The following SUCLA2 variants were observed in gnomAD, a reference collection of about 807,000 sequenced individuals.
SUCLA2 encodes the protein succinate--CoA ligase [ADP-forming] subunit beta, mitochondrial.
A neutral mutation model predicts 54.8 loss-of-function variants in SUCLA2; 30 were observed. The ratio of observed to expected loss-of-function variants is 0.55; its 90% CI spans 0.41 to 0.74. SUCLA2 has a LOEUF of 0.74. Among genes scored for constraint, SUCLA2 ranks in the 30% least tolerant of loss-of-function variants. The pLI, the probability that SUCLA2 is intolerant of heterozygous loss-of-function variation, is 0.00. For missense variants in SUCLA2, 476 were observed against 562.9 expected, an observed-to-expected ratio of 0.85 and a Z score of 1.56; for synonymous variants, 172 against 188.9, an observed-to-expected ratio of 0.91 and a Z score of 0.74.
intron 10 of SUCLA2, among the ~76,000 whole-genome samples, chr13:47,944,876 A>G (rs1247715111): frequency 6.6e-6 from 1 of 152,074 alleles, no homozygotes; most frequent in Non-Finnish European, 1.5e-5. Flanking sequence ...TAATCCCAGC[A>G]CTTTGGAAGG....
At chr13:47,971,731 T>C (rs1476715321) in intron 5 of SUCLA2, 3 of 393,720 alleles carry the variant, frequency 7.6e-6, no homozygotes, top group Admixed American at 4.4e-5. Flanking sequence ...TGGAGATATA[T>C]AAGACAGTGT....
Position 47,954,288 on chromosome 13 carries a change from T to A in SUCLA2, c.965-6A>T, listed in dbSNP as rs759994740. 6.2e-7 allele frequency: 1 copy of A among 1,613,718 alleles called. No homozygotes were observed. On this transcript the variant is annotated splice_region_variant and splice_polypyrimidine_tract_variant and intron_variant, in intron 7 of 10. Transcript: ENST00000646932. ...AGCCAAACCAGCACCATTTACTATA[T>A]AGGGGAAAATGATTTGTATAAGCAA...
At chr13:47,999,020 A>C (rs1386111568) in intron 1 of SUCLA2, among the ~76,000 whole-genome samples, 1 of 152,216 alleles carries the variant, frequency 6.6e-6, no homozygotes, top group Admixed American at 6.5e-5. Flanking sequence ...GACACTAAAA[A>C]AATAAAGACA....
chr13:47,960,715 A>AG (rs1339070697), intron 6 of SUCLA2, among the ~76,000 whole-genome samples: 42 of 152,260 alleles, frequency 2.8e-4, no homozygotes, highest in African/African-American at 1.0e-3. Context: ...AAAAAAAAAA[A>AG]AGAGAGACTT....
intron 4 of SUCLA2, among the ~76,000 whole-genome samples, chr13:47,980,996 A>G (rs951531365): frequency 6.6e-6 from 1 of 152,204 alleles, no homozygotes; most frequent in Non-Finnish European, 1.5e-5. Context: ...TAAAACTCAT[A>G]GAAGAAAACA....
At chr13:47,949,146 G>C in intron 9 of SUCLA2, 118 bp from the exon 10 acceptor site, 1 of 1,010,850 alleles carries the variant, frequency 9.9e-7, no homozygotes, top group Non-Finnish European at 1.5e-6. Context: ...CCATTATTTA[G>C]TATAAACACT....
At chr13:47,979,937 A>C (rs1346786875) in intron 4 of SUCLA2, among the ~76,000 whole-genome samples, 1 of 152,290 alleles carries the variant, frequency 6.6e-6, no homozygotes, top group African/African-American at 2.4e-5. Flanking sequence ...AAAGTTGCAG[A>C]ATACAAAATC....
chr13:47,950,301 G>C (rs1305640241), intron 8 of SUCLA2, among the ~76,000 whole-genome samples: 2 of 152,168 alleles, frequency 1.3e-5, no homozygotes, highest in African/African-American at 2.4e-5. Flanking sequence ...TGGAGGGCTA[G>C]TGTGGGGATC....
intron 6 of SUCLA2, among the ~76,000 whole-genome samples, chr13:47,957,663 C>G (rs1362824935): frequency 1.3e-5 from 2 of 152,170 alleles, no homozygotes; most frequent in South Asian, 4.1e-4. Context: ...GTAGATTGAA[C>G]AAGCCCAAAT....
chr13:47,948,534 T>C (rs1330902594), intron 10 of SUCLA2, among the ~76,000 whole-genome samples: 1 of 152,182 alleles, frequency 6.6e-6, no homozygotes, highest in Non-Finnish European at 1.5e-5. Flanking sequence ...GACTTCTGTA[T>C]TTGTCCCTGC....
chr13:47,972,375 C>T (rs1423313607), intron 5 of SUCLA2, among the ~76,000 whole-genome samples: 1 of 151,954 alleles, frequency 6.6e-6, no homozygotes, highest in Non-Finnish European at 1.5e-5. Context: ...ATGATACTAA[C>T]AAATTATTGT....
intron 4 of SUCLA2, among the ~76,000 whole-genome samples, chr13:47,980,124 A>G (rs1360499084): frequency 1.3e-5 from 2 of 152,222 alleles, no homozygotes; most frequent in Admixed American, 6.5e-5. Flanking sequence ...GAATTAAAGA[A>G]GACACAAACA....
At chr13:47,977,797 T>C (rs976447499) in intron 4 of SUCLA2, among the ~76,000 whole-genome samples, 5 of 152,134 alleles carry the variant, frequency 3.3e-5, no homozygotes, top group African/African-American at 1.2e-4. Context: ...AGAAAACTCA[T>C]AGCCAACATC....
At chr13:47,989,118 T>C in intron 2 of SUCLA2, 137 bp from the exon 3 acceptor site, 2 of 815,786 alleles carry the variant, frequency 2.5e-6, no homozygotes, top group Non-Finnish European at 4.0e-6. Context: ...AATAAGGCAT[T>C]CTCTTTATGT....
At chr13:47,983,106 T>C (rs1019646355) in intron 4 of SUCLA2, among the ~76,000 whole-genome samples, 1 of 151,988 alleles carries the variant, frequency 6.6e-6, no homozygotes, top group African/African-American at 2.4e-5. Flanking sequence ...GTATTAGAAC[T>C]CCTTTCAATA....
chr13:47,957,924 G>A (rs1226335766), intron 6 of SUCLA2, among the ~76,000 whole-genome samples: 2 of 152,118 alleles, frequency 1.3e-5, no homozygotes, highest in Admixed American at 1.3e-4. Flanking sequence ...TGTAGCAGCT[G>A]GATTGTGTTT....
intron 9 of SUCLA2, 65 bp downstream of exon 9, chr13:47,949,418 G>A: frequency 6.4e-7 from 1 of 1,569,600 alleles, no homozygotes; most frequent in South Asian, 1.1e-5. Context: ...TTAACAAACT[G>A]AACTCCATGG....
intron 6 of SUCLA2, among the ~76,000 whole-genome samples, chr13:47,960,006 G>A (rs1400414480): frequency 1.3e-5 from 2 of 152,116 alleles, no homozygotes; most frequent in Non-Finnish European, 2.9e-5. Flanking sequence ...AAGATGTATG[G>A]TGATATTGGT....
At chr13:47,957,724 G>C (rs1566083070) in intron 6 of SUCLA2, among the ~76,000 whole-genome samples, 1 of 152,154 alleles carries the variant, frequency 6.6e-6, no homozygotes, top group African/African-American at 2.4e-5. Flanking sequence ...ATTCTTGGAG[G>C]TTTTTCTGTA....
Sources: allele counts gnomAD v4.1 joint callset (sites outside exome capture counted in the v4.1 genomes callset), GRCh38; gene constraint gnomAD v4.1.1; transcripts MANE v1.5; gene names NCBI Gene and HGNC (gene_info 2026-07-23, HGNC 2026-07-21).